URGCP: variants seen among roughly 807,000 people sequenced by gnomAD.
URGCP encodes upregulator of cell proliferation.
URGCP carries 13 observed loss-of-function variants against 24.6 expected under a neutral mutation model. The observed-to-expected ratio is 0.53, with a 90% confidence interval of 0.34 to 0.84. The LOEUF (loss-of-function observed/expected upper bound fraction) is 0.84, where lower values mean the gene tolerates loss of function less well. Among genes scored for constraint, URGCP ranks in the 40% least tolerant of loss-of-function variants. The pLI, the probability that URGCP is intolerant of heterozygous loss-of-function variation, is 0.01. For synonymous variants in URGCP, 444 were observed against 487.2 expected, an observed-to-expected ratio of 0.91 and a Z score of 1.17; for missense variants, 899 against 1,194.3, an observed-to-expected ratio of 0.75 and a Z score of 3.64.
At chr7:43,893,853 A>G (rs2095874586) in intron 1 of URGCP, among the ~76,000 whole-genome samples, 1 of 152,250 alleles carries the variant, frequency 6.6e-6, no homozygotes, top group South Asian at 2.1e-4. Context: ...CCTGGGTGAC[A>G]GTGAGACTCC....
chr7:43,882,072 A>G, intron 3 of URGCP, 115 bp from the exon 4 acceptor site: 1 of 1,536,920 alleles, frequency 6.5e-7, no homozygotes, highest in Non-Finnish European at 8.7e-7. Flanking sequence ...GCTGAACAAG[A>G]GGAGTGCTTG....
At chr7:43,917,301 T>C (rs1562590656) in intron 1 of URGCP, among the ~76,000 whole-genome samples, 4 of 152,234 alleles carry the variant, frequency 2.6e-5, no homozygotes, top group African/African-American at 7.2e-5. Context: ...TCTTAAGCTG[T>C]AGCCAAGCTG....
chr7:43,898,329 T>C (rs1439780185), intron 1 of URGCP, among the ~76,000 whole-genome samples: 6 of 152,220 alleles, frequency 3.9e-5, no homozygotes, highest in Admixed American at 3.9e-4. Flanking sequence ...CTTCCTATTA[T>C]ACAAATAGGT....
intron 1 of URGCP, among the ~76,000 whole-genome samples, chr7:43,889,907 A>ATT (rs11386546): frequency 1.5e-4 from 22 of 145,790 alleles, no homozygotes; most frequent in Non-Finnish European, 2.1e-4. Context: ...ACTGGAAGCA[A>ATT]TTTTTTTTTT....
chr7:43,898,014 C>T (rs1298988043), intron 1 of URGCP, among the ~76,000 whole-genome samples: 1 of 152,148 alleles, frequency 6.6e-6, no homozygotes, highest in Non-Finnish European at 1.5e-5. Context: ...GAGACCCCTA[C>T]CCTTGGATAT....
intron 1 of URGCP, chr7:43,919,411 C>T: frequency 1.1e-6 from 1 of 880,402 alleles, no homozygotes; most frequent in South Asian, 1.3e-5. Flanking sequence ...ATCATCTCGG[C>T]CAGCACCATC....
At chr7:43,914,837 C>G (rs2095913800) in intron 1 of URGCP, among the ~76,000 whole-genome samples, 1 of 152,120 alleles carries the variant, frequency 6.6e-6, no homozygotes, top group Non-Finnish European at 1.5e-5. Flanking sequence ...ACTGATACTA[C>G]TGATAGAGAT....
chr7:43,922,924 GTCTTTCTTTCTT>G (rs1049565462), intron 1 of URGCP, among the ~76,000 whole-genome samples: 1 of 147,868 alleles, frequency 6.8e-6, no homozygotes, highest in African/African-American at 2.5e-5. Context: ...CTTTCTTTCC[GTCTTTCTTTCTT>G]TCTTTCCTTC....
At chr7:43,910,241 G>A (rs541331765), upstream of URGCP, among the ~76,000 whole-genome samples, 6 of 152,120 alleles carry the variant, frequency 3.9e-5, no homozygotes, top group East Asian at 1.2e-3. Flanking sequence ...TATGAGACAC[G>A]GTCTCACTCT....
At chr7:43,914,366 A>G (rs888215300) in intron 1 of URGCP, among the ~76,000 whole-genome samples, 1 of 152,136 alleles carries the variant, frequency 6.6e-6, no homozygotes, top group Non-Finnish European at 1.5e-5. Context: ...TTAGCCGGGT[A>G]TGCTAATGCA....
chr7:43,926,038 GGA>G (rs1232837723), intron 1 of URGCP: 1 of 152,140 alleles, frequency 6.6e-6, no homozygotes, highest in Non-Finnish European at 1.5e-5. Context: ...CCAAAACTGC[GGA>G]GAGTTTTGCG....
In URGCP at chr7:43,877,276, G is replaced by T. The variant is rs758920637; in HGVS notation, c.2187C>A (p.Phe729Leu). 1.9e-6 allele frequency: 3 copies of T among 1,613,938 alleles called. No homozygotes were observed. ...TGKSCGPRGA[F>L]MQLITVAEGF... ...CCTCAGCCACTGTGATGAGCTGCAT[G>T]AAGGCCCCTCGAGGACCGCAGCTCT... The change falls in exon 6 of 6, where the codon TTC (phenylalanine) becomes TTA (leucine). Residue 729 changes from phenylalanine (F) to leucine (L), a missense_variant. Physicochemically the swap from Phe to Leu is conservative, Grantham distance 22. Coordinates refer to ENST00000453200, the MANE Select transcript of URGCP (RefSeq NM_001077663.3).
upstream of URGCP, among the ~76,000 whole-genome samples, chr7:43,911,351 A>G (rs2095909880): frequency 6.6e-6 from 1 of 151,952 alleles, no homozygotes; most frequent in South Asian, 2.1e-4. Context: ...CAGAGAGCTG[A>G]GATCATGCCA....
At chr7:43,884,223 C>T (rs927395315) in intron 3 of URGCP, among the ~76,000 whole-genome samples, 1 of 152,142 alleles carries the variant, frequency 6.6e-6, no homozygotes, top group Non-Finnish European at 1.5e-5. Flanking sequence ...GACTAGGGTT[C>T]GGAGAGAGCC....
rs1223136238 is a variant in URGCP at position 43,876,642 on chromosome 7, A to C, written c.*25T>G. The C allele has an allele frequency of 6.2e-7, 1 of 1,604,234 alleles. No individual in the cohort carries two copies. The highest frequency in any genetic ancestry group is 2.2e-5 in the East Asian group (1 of 44,836). On this transcript the variant is annotated 3_prime_UTR_variant, in exon 6 of 6. Coordinates refer to ENST00000453200, the MANE Select transcript of URGCP (RefSeq NM_001077663.3). ...AGGGCTGCCCACAGCAGCCTCCTAC[A>C]CCTGAACTGGGTTTCTCTGCACACT...
chr7:43,884,058 A>C (rs1051788815), intron 3 of URGCP, among the ~76,000 whole-genome samples: 2 of 152,194 alleles, frequency 1.3e-5, no homozygotes, highest in African/African-American at 4.8e-5. Context: ...GAGTAGTTTT[A>C]AGCTGGAGTC....
chr7:43,902,419 C>T (rs2095892871), intron 1 of URGCP, among the ~76,000 whole-genome samples: 1 of 152,204 alleles, frequency 6.6e-6, no homozygotes, highest in Non-Finnish European at 1.5e-5. Flanking sequence ...GGTCCTTCCA[C>T]CCATTCTGTG....
chr7:43,896,259 C>A (rs1234460820), intron 1 of URGCP, among the ~76,000 whole-genome samples: 1 of 151,916 alleles, frequency 6.6e-6, no homozygotes, highest in African/African-American at 2.4e-5. Flanking sequence ...AGCTTGAGAC[C>A]AGCCTGACCA....
intron 1 of URGCP, among the ~76,000 whole-genome samples, chr7:43,896,078 A>C (rs1298016083): frequency 1.3e-5 from 2 of 152,240 alleles, no homozygotes; most frequent in East Asian, 1.9e-4. Context: ...ACAAAAAGAC[A>C]AATATTGCAT....
Sources: gnomAD v4.1 joint callset for allele counts (sites outside exome capture counted in the v4.1 genomes callset) on GRCh38, gnomAD v4.1.1 for gene constraint, MANE v1.5 for transcripts, NCBI Gene and HGNC (gene_info 2026-07-23, HGNC 2026-07-21) for gene names.